Variants in DNAH5 observed in about 807,000 individuals in gnomAD.
The protein encoded by DNAH5 is dynein axonemal heavy chain 5, also known as axonemal beta dynein heavy chain 5.
Under a neutral mutation model 518.2 loss-of-function variants are expected in DNAH5, and 372 were observed. That is an observed-to-expected ratio of 0.72 (90% CI 0.66 to 0.78). The LOEUF is 0.78. DNAH5 is among the 30% of genes least tolerant of loss of function. The probability of loss-of-function intolerance (pLI) is 0.00; values close to 1 mark genes in which losing one functional copy is unlikely to be tolerated. For missense variants in DNAH5, 5,523 were observed against 5,687.0 expected (o/e 0.97, Z 0.93); for synonymous variants, 2,039 against 2,025.9 (o/e 1.01, Z -0.17).
chr5:13,969,294 AT>A (rs1781729955), intron 1 of DNAH5, among the ~76,000 whole-genome samples: 1 of 151,340 alleles, frequency 6.6e-6, no homozygotes, highest in African/African-American at 2.4e-5. Flanking sequence ...ATCTTCTGTA[AT>A]TTTTTTGTTT....
chr5:13,703,949 G>A (rs780380120), intron 76 of DNAH5, among the ~76,000 whole-genome samples: 4 of 152,184 alleles, frequency 2.6e-5, no homozygotes, highest in Non-Finnish European at 5.9e-5. Flanking sequence ...GTCTAGACCT[G>A]GGGTGCCTTG....
rs917340993 is a variant in DNAH5, at chr5:13,762,308, C to T, written c.10281+414G>A. ...ACGTCTTAAGCCAAGCTAAGACCAG[C>T]TTTCAGCATGTTCTGTCTTGACCCT... On this transcript the variant is annotated intron_variant, in intron 60 of 78. Coordinates refer to ENST00000265104, the MANE Select transcript of DNAH5 (RefSeq NM_001369.3). Among the ~76,000 whole-genome samples, 7 of 151,952 alleles carry T rather than the reference C, an allele frequency of 4.6e-5. 1 individual carries two copies. Among genetic ancestry groups the T allele is most frequent in the Admixed American group, 4.6e-4 (7 of 15,272 alleles).
At chr5:13,817,284 T>A (rs1212599667) in intron 42 of DNAH5, among the ~76,000 whole-genome samples, 1 of 152,214 alleles carries the variant, frequency 6.6e-6, no homozygotes, top group Non-Finnish European at 1.5e-5. Flanking sequence ...CTTAACAGCT[T>A]TTTCCATCTA....
chr5:13,964,077 A>G (rs879871773), intron 1 of DNAH5, among the ~76,000 whole-genome samples: 1 of 152,254 alleles, frequency 6.6e-6, no homozygotes, highest in Non-Finnish European at 1.5e-5. Context: ...CACTGTCCAC[A>G]GTAGTCTGAT....
intron 65 of DNAH5, among the ~76,000 whole-genome samples, chr5:13,745,538 G>T (rs1749217032): frequency 6.6e-6 from 1 of 152,072 alleles, no homozygotes; most frequent in Non-Finnish European, 1.5e-5. Context: ...ACCCGATTAT[G>T]TGTGATAATA....
intron 1 of DNAH5, among the ~76,000 whole-genome samples, chr5:13,979,931 C>A (rs1782555642): frequency 6.6e-6 from 1 of 151,656 alleles, no homozygotes; most frequent in African/African-American, 2.4e-5. Context: ...CCTCCGCCTC[C>A]TTGGTTCAAG....
In DNAH5 at chr5:13,991,063, T is replaced by C. The variant is rs559208217; in HGVS notation, c.12+20585A>G. Among the ~76,000 whole-genome samples the C allele has an allele frequency of 8.5e-5, 13 of 152,290 alleles. No individual in the cohort carries two copies. In the South Asian group the frequency reaches 2.3e-3, roughly 27 times the overall value. On this transcript the variant is annotated intron_variant, in intron 1 of 78. Coordinates refer to the DNAH5 transcript ENST00000681290. ...AGCACAGTAGGTGTCGGGGGCTGGATTGACTTCTTGCCAGTTGCAAGTCTT... is the reference window on the plus strand; with the variant it reads ...AGCACAGTAGGTGTCGGGGGCTGGACTGACTTCTTGCCAGTTGCAAGTCTT...
Position 13,735,253 on chromosome 5 carries a change from T to C in DNAH5, c.11639A>G (p.Tyr3880Cys), listed in dbSNP as rs368330232. 22 of 1,614,142 alleles carry C rather than the reference T, an allele frequency of 1.4e-5. No homozygotes were observed. Among genetic ancestry groups the C allele is most frequent in the Admixed American group, 5.0e-5 (3 of 60,014 alleles). The change falls in exon 68 of 79, where the codon TAT becomes TGT. Residue 3880 changes from tyrosine to cysteine, a missense_variant. Physicochemically the swap from Tyr to Cys is radical, Grantham distance 194. Transcript: ENST00000265104. ...GTACAGCCCTCGGGCAGCATACTTA[T>C]AAACCTCGTAGGTCATGTGCTCGAT... is the stretch of plus-strand genomic sequence containing the variant. Reference protein sequence around the residue: ...NIIEHMTYEVYKYAARGLYEE... With the variant: ...NIIEHMTYEVCKYAARGLYEE...
intron 1 of DNAH5, among the ~76,000 whole-genome samples, chr5:13,936,833 C>A (rs1778968361): frequency 6.6e-6 from 1 of 152,210 alleles, no homozygotes; most frequent in Admixed American, 6.5e-5. Context: ...ATCTACTCCA[C>A]TGACCCCATT....
intron 1 of DNAH5, among the ~76,000 whole-genome samples, chr5:13,988,520 T>A (rs1783226584): frequency 6.6e-6 from 1 of 151,696 alleles, no homozygotes; most frequent in Non-Finnish European, 1.5e-5. Context: ...AGGGTTCAAG[T>A]GATTCTCCTG....
intron 1 of DNAH5, among the ~76,000 whole-genome samples, chr5:14,003,132 T>C (rs1784476860): frequency 6.6e-6 from 1 of 152,214 alleles, no homozygotes; most frequent in South Asian, 2.1e-4. Context: ...CATTGTCCTT[T>C]TTCATTTTGT....
chr5:13,928,969 T>C (rs752930814), intron 2 of DNAH5, among the ~76,000 whole-genome samples: 1 of 152,188 alleles, frequency 6.6e-6, no homozygotes, highest in African/African-American at 2.4e-5. Flanking sequence ...AATTGCCACA[T>C]GATCCGGGAA....
chr5:13,968,219 C>A (rs1453669165), intron 1 of DNAH5, among the ~76,000 whole-genome samples: 1 of 152,134 alleles, frequency 6.6e-6, no homozygotes, highest in African/African-American at 2.4e-5. Context: ...TGGGATGAGT[C>A]TTTAGAGTTT....
rs1038607014 is a variant in DNAH5, at chr5:13,766,078, T to C, written c.9999A>G (p.Lys3333=). 3.7e-6 allele frequency: 6 copies of C among 1,614,050 alleles called. No homozygotes were observed. In the Admixed American group the frequency reaches 1.0e-4, roughly 27 times the overall value. Residue 3333 remains lysine (K), a synonymous_variant, in exon 59 of 79, where the codon AAA becomes AAG. Coordinates refer to ENST00000265104, the MANE Select transcript of DNAH5 (RefSeq NM_001369.3). ...MDCVLLLFQR[K]VSAVKIDLEK... is the part of the protein sequence containing the mutation. ...CCAGGTCAATTTTCACAGCACTGACTTTCCTTTGAAACAGCAGCAGTACGC... is the reference window on the plus strand; with the variant it reads ...CCAGGTCAATTTTCACAGCACTGACCTTCCTTTGAAACAGCAGCAGTACGC...
chr5:13,762,603 A>C, intron 60 of DNAH5, 119 bp downstream of exon 60: 1 of 857,082 alleles, frequency 1.2e-6, no homozygotes, highest in Non-Finnish European at 1.9e-6. Context: ...CACTCTCCCC[A>C]TGGACCTGAG....
At chr5:13,747,774 T>A (rs1201729378) in intron 65 of DNAH5, among the ~76,000 whole-genome samples, 1 of 152,238 alleles carries the variant, frequency 6.6e-6, no homozygotes, top group African/African-American at 2.4e-5. Context: ...TTGTAGATTC[T>A]GGATATTAGC....
rs147371351 is a variant in DNAH5 at position 13,842,050 on chromosome 5, T to TAA, written c.5272-148_5272-147dup. ...CCAAATATAAACTACTTCAAAACAA[T>TAA]AAAAAAAAAAGCCATGAAATCTAAA... On this transcript the variant is annotated intron_variant, in intron 32 of 78. Coordinates refer to ENST00000265104, the MANE Select transcript of DNAH5 (RefSeq NM_001369.3). 3,856 of 516,172 alleles carry TAA rather than the reference T, an allele frequency of 7.5e-3. 11 individuals are homozygous for TAA. The highest frequency in any genetic ancestry group is 0.02 in the African/African-American group (971 of 48,150). The allele number at this position is 516,172 out of a possible 1,614,324, so 32.0% of individuals were successfully genotyped here.
chr5:13,722,199 A>T (rs936845425), intron 70 of DNAH5, among the ~76,000 whole-genome samples: 31 of 152,208 alleles, frequency 2.0e-4, no homozygotes, highest in African/African-American at 7.0e-4. Flanking sequence ...CTTCAGATGG[A>T]GCTTCCCTTG....
At chr5:13,885,794 T>C (rs1417217472) in intron 18 of DNAH5, among the ~76,000 whole-genome samples, 170 bp downstream of exon 18, 1 of 152,184 alleles carries the variant, frequency 6.6e-6, no homozygotes, top group Admixed American at 6.5e-5. Flanking sequence ...ATTAACAACA[T>C]AGAGTCACTA....
Sources: allele counts gnomAD v4.1 joint callset (sites outside exome capture counted in the v4.1 genomes callset), GRCh38; gene constraint gnomAD v4.1.1; transcripts MANE v1.5; gene names NCBI Gene and HGNC (gene_info 2026-07-23, HGNC 2026-07-21).